Variants in ACACA observed in about 807,000 individuals in gnomAD.
ACACA encodes the protein acetyl-CoA carboxylase 1.
A neutral mutation model predicts 296.1 loss-of-function variants in ACACA; 103 were observed. That is an observed-to-expected ratio of 0.35 (90% CI 0.30 to 0.41). The LOEUF is 0.41. Among genes scored for constraint, ACACA ranks in the 10% least tolerant of loss-of-function variants. ACACA has a pLI of 1.00. For synonymous variants in ACACA, 953 were observed against 1,038.6 expected (o/e 0.92, Z 1.58); for missense variants, 1,554 against 2,989.7 (o/e 0.52, Z 11.20).
intron 1 of ACACA, among the ~76,000 whole-genome samples, chr17:37,355,473 T>C (rs1192217262): frequency 6.6e-6 from 1 of 150,676 alleles, no homozygotes; most frequent in East Asian, 1.9e-4. Context: ...GGAGAATCGC[T>C]TGCACATGGG....
intron 1 of ACACA, among the ~76,000 whole-genome samples, chr17:37,401,853 C>G (rs896786962): frequency 6.6e-6 from 1 of 152,174 alleles, no homozygotes; most frequent in Non-Finnish European, 1.5e-5. Context: ...AGCCACCGCA[C>G]CAGGCCAGAA....
rs557495859 is a variant in ACACA at position 37,312,863 on chromosome 17, C to CA, written c.338+17309dup. 5.0e-4 allele frequency among the ~76,000 whole-genome samples: 75 copies of CA among 149,972 alleles called. No homozygotes were observed. In the East Asian group the frequency reaches 5.5e-3, roughly 11 times the overall value. On this transcript the variant is annotated intron_variant, in intron 3 of 55. Transcript: ENST00000616317. Reference sequence around the variant, plus strand: ...ACAACATAGCAAGACCCCATCTCTACAAAAAAAATTTTTAAAGAAACAAAA... The same window carrying CA: ...ACAACATAGCAAGACCCCATCTCTACAAAAAAAAATTTTTAAAGAAACAAAA...
chr17:37,147,615 TCAG>T (rs927860164), intron 45 of ACACA, among the ~76,000 whole-genome samples: 1 of 152,184 alleles, frequency 6.6e-6, no homozygotes, highest in African/African-American at 2.4e-5. Context: ...TCGGGTGTCT[TCAG>T]CAGCACAGCT....
In ACACA at chr17:37,325,579, C is replaced by CTTTTTTTT. The variant is rs1156553256; in HGVS notation, c.338+4586_338+4593dup. ...CTTAGGGTCTTATTTTCTTTTCTTTCTTTTTTTTTTTTTTTTTTTTTTTTT... is the reference window on the plus strand; with the variant it reads ...CTTAGGGTCTTATTTTCTTTTCTTTCTTTTTTTTTTTTTTTTTTTTTTTTTTTTTTTTT... On this transcript the variant is annotated intron_variant, in intron 3 of 55. Coordinates refer to ENST00000616317, the MANE Select transcript of ACACA (RefSeq NM_198834.3). Among the ~76,000 whole-genome samples, 259 of 67,934 alleles carry CTTTTTTTT rather than the reference C, an allele frequency of 3.8e-3. 2 individuals carry two copies. Among genetic ancestry groups the CTTTTTTTT allele is most frequent in the Non-Finnish European group, 4.5e-3 (179 of 39,738 alleles). The allele number at this position is 67,934 out of a possible 152,430, so 44.6% of individuals were successfully genotyped here.
At chr17:37,161,398 A>G (rs1168505321) in intron 42 of ACACA, among the ~76,000 whole-genome samples, 2 of 152,162 alleles carry the variant, frequency 1.3e-5, no homozygotes, top group Non-Finnish European at 2.9e-5. Context: ...CTCAAGGTGA[A>G]CAAGGAGGTT....
At position 37,346,225 on chromosome 17, in the gene ACACA, G is replaced by A. The variant is rs1485418776; in HGVS notation, c.39-6375C>T. ...TCAGCTACTTGGGAGGCTGAGGCAG[G>A]AGAATCACTTGAACCCAGGAGGCGG... On this transcript the variant is annotated intron_variant, in intron 1 of 55. Coordinates refer to ENST00000616317, the MANE Select transcript of ACACA (RefSeq NM_198834.3). Among the ~76,000 whole-genome samples, 5 of 151,546 alleles carry A rather than the reference G, an allele frequency of 3.3e-5. No homozygotes were observed. In the East Asian group the frequency reaches 9.7e-4, roughly 29 times the overall value.
chr17:37,356,401 C>T (rs984170353), intron 1 of ACACA, among the ~76,000 whole-genome samples: 3 of 151,796 alleles, frequency 2.0e-5, no homozygotes, highest in East Asian at 1.9e-4. Flanking sequence ...TTTTTTGAGA[C>T]GGAGTCTCAC....
At chr17:37,257,426 C>T (rs547196371) in intron 14 of ACACA, among the ~76,000 whole-genome samples, 2 of 152,024 alleles carry the variant, frequency 1.3e-5, no homozygotes, top group African/African-American at 4.8e-5. Flanking sequence ...AAATAAGATA[C>T]CTTTAAAGCA....
chr17:37,168,349 T>C (rs543024714), intron 41 of ACACA, among the ~76,000 whole-genome samples: 1 of 152,302 alleles, frequency 6.6e-6, no homozygotes, highest in African/African-American at 2.4e-5. Flanking sequence ...GTATTTTTTT[T>C]CCATTCTCCA....
At chr17:37,221,633 A>G in intron 29 of ACACA, 91 bp downstream of exon 29, 1 of 1,150,550 alleles carries the variant, frequency 8.7e-7, no homozygotes, top group Non-Finnish European at 1.3e-6. Flanking sequence ...TTTCTAACTA[A>G]AAAAACATGG....
chr17:37,118,661 C>G (rs776293947), intron 50 of ACACA, among the ~76,000 whole-genome samples: 15 of 152,186 alleles, frequency 9.9e-5, no homozygotes, highest in Non-Finnish European at 2.1e-4. Context: ...GATCCACCTT[C>G]CTTTCCCAAC....
intron 42 of ACACA, among the ~76,000 whole-genome samples, chr17:37,159,900 C>G (rs900248781): frequency 6.6e-6 from 1 of 152,142 alleles, no homozygotes; most frequent in African/African-American, 2.4e-5. Context: ...TGGAAGCCAA[C>G]AGAAGAAAGT....
intron 1 of ACACA, among the ~76,000 whole-genome samples, chr17:37,400,785 T>C (rs2051258399): frequency 6.6e-6 from 1 of 152,148 alleles, no homozygotes; most frequent in Admixed American, 6.6e-5. Context: ...ATTTTCTTTA[T>C]TCATTCATCC....
chr17:37,390,809 T>A (rs2050850097), intron 1 of ACACA, among the ~76,000 whole-genome samples: 1 of 150,294 alleles, frequency 6.7e-6, no homozygotes. Flanking sequence ...AAAAAAAAAA[T>A]TATCATTTCT....
At chr17:37,235,227 A>G (rs2080054161) in intron 24 of ACACA, 128 bp from the exon 25 acceptor site, 1 of 1,231,718 alleles carries the variant, frequency 8.1e-7, no homozygotes, top group Non-Finnish European at 1.2e-6. Context: ...ATTTTCTTGG[A>G]TGGATTTGTA....
intron 3 of ACACA, among the ~76,000 whole-genome samples, chr17:37,306,435 T>C (rs925517947): frequency 2.0e-5 from 3 of 152,062 alleles, no homozygotes; most frequent in Non-Finnish European, 4.4e-5. Flanking sequence ...ATCTTAAGTA[T>C]AAAACATATA....
chr17:37,251,241 C>T (rs1048906953), intron 16 of ACACA, among the ~76,000 whole-genome samples: 1 of 152,036 alleles, frequency 6.6e-6, no homozygotes, highest in African/African-American at 2.4e-5. Flanking sequence ...TTGAAAGTCA[C>T]GCCAAGGGAT....
chr17:37,153,049 A>G (rs1421407691), intron 43 of ACACA, among the ~76,000 whole-genome samples: 2 of 152,206 alleles, frequency 1.3e-5, no homozygotes, highest in Non-Finnish European at 2.9e-5. Context: ...TATGTCAGAA[A>G]TGAGGCTACT....
At chr17:37,268,737 C>CTA (rs1302264722) in intron 10 of ACACA, among the ~76,000 whole-genome samples, 1,257 of 70,706 alleles carry the variant, frequency 0.018, 21 homozygotes, top group African/African-American at 0.065. Flanking sequence ...ATCTATCTAT[C>CTA]TATCTATATA....
Sources: gnomAD v4.1 joint callset for allele counts (sites outside exome capture counted in the v4.1 genomes callset) on GRCh38, gnomAD v4.1.1 for gene constraint, MANE v1.5 for transcripts, NCBI Gene and HGNC (gene_info 2026-07-23, HGNC 2026-07-21) for gene names.